The following BLZF1 variants were observed in gnomAD, a reference collection of about 807,000 sequenced individuals.
The protein encoded by BLZF1 is golgin-45.
A neutral mutation model predicts 43.8 loss-of-function variants in BLZF1; 39 were observed. The ratio of observed to expected loss-of-function variants is 0.89; its 90% CI spans 0.69 to 1.16. The LOEUF is 1.16. Ranked by LOEUF, BLZF1 falls within the 50% of genes most tolerant of loss-of-function variation. The pLI is 0.00. For synonymous variants in BLZF1, 136 were observed against 159.4 expected (o/e 0.85, Z 1.11); for missense variants, 449 against 469.8 (o/e 0.96, Z 0.41).
At chr1:169,373,648 TTAAA>T (rs1290225558) in intron 2 of BLZF1, among the ~76,000 whole-genome samples, 1 of 152,180 alleles carries the variant, frequency 6.6e-6, no homozygotes, top group African/African-American at 2.4e-5. Flanking sequence ...GTAGAACAGT[TTAAA>T]TAAAGTTAAG....
intron 2 of BLZF1, among the ~76,000 whole-genome samples, chr1:169,375,079 A>T (rs1250161354): frequency 6.6e-6 from 1 of 151,922 alleles, no homozygotes; most frequent in Non-Finnish European, 1.5e-5. Flanking sequence ...ATTTGAAAAA[A>T]TAACTCAGAA....
chr1:169,386,411 A>C (rs1051838634), intron 6 of BLZF1, among the ~76,000 whole-genome samples: 2 of 152,116 alleles, frequency 1.3e-5, no homozygotes, highest in Admixed American at 1.3e-4. Context: ...TAATGATATA[A>C]TTGACATGTA....
At chr1:169,386,508 T>C (rs1382564415) in intron 6 of BLZF1, among the ~76,000 whole-genome samples, 1 of 151,740 alleles carries the variant, frequency 6.6e-6, no homozygotes, top group Non-Finnish European at 1.5e-5. Flanking sequence ...TGAAACCCCA[T>C]CTCTATTAAA....
intron 2 of BLZF1, among the ~76,000 whole-genome samples, chr1:169,374,368 T>C (rs1654227842): frequency 6.6e-6 from 1 of 152,100 alleles, no homozygotes. Context: ...GTTCTCCTTG[T>C]CAGTGCTACC....
intron 7 of BLZF1, among the ~76,000 whole-genome samples, chr1:169,394,029 A>C (rs1029596020): frequency 6.6e-6 from 1 of 152,172 alleles, no homozygotes; most frequent in South Asian, 2.1e-4. Context: ...CTATTCCTCT[A>C]CACACTGGAT....
exon 8 of BLZF1, chr1:169,395,897 AAAC>A (rs1655002726): frequency 1.3e-5 from 2 of 150,886 alleles, no homozygotes; most frequent in African/African-American, 2.4e-5. Flanking sequence ...TTTTCAGAAT[AAAC>A]AACTAAATAA....
At chr1:169,392,568 A>T (rs942122092), downstream of BLZF1, among the ~76,000 whole-genome samples, 1 of 152,242 alleles carries the variant, frequency 6.6e-6, no homozygotes, top group African/African-American at 2.4e-5. Context: ...GTCTTGTACC[A>T]GTTTCCTGGC....
chr1:169,390,278 C>G (rs976784206), downstream of BLZF1, among the ~76,000 whole-genome samples: 1 of 151,820 alleles, frequency 6.6e-6, no homozygotes, highest in Non-Finnish European at 1.5e-5. Context: ...TCTAACATAA[C>G]ACCTTAAGGA....
chr1:169,377,240 G>A (rs1557847928), intron 3 of BLZF1: 1 of 436,376 alleles, frequency 2.3e-6, no homozygotes, highest in Non-Finnish European at 4.0e-6. Flanking sequence ...GTAAAAGTAG[G>A]TTACAATTAT....
chr1:169,391,758 C>T (rs1188538561), downstream of BLZF1, among the ~76,000 whole-genome samples: 3 of 107,858 alleles, frequency 2.8e-5, no homozygotes, highest in African/African-American at 8.4e-5. Context: ...TCTGGAGCCT[C>T]AGTAAATTTA....
In BLZF1 at chr1:169,368,795, G is replaced by C. The variant is rs561896808; in HGVS notation, c.-51+453G>C. On this transcript the variant is annotated intron_variant, in intron 1 of 6. Coordinates refer to ENST00000367808, the MANE Select transcript of BLZF1 (RefSeq NM_001320973.2). ...CTGAGTTGTATCTAGTACTGAGAAC[G>C]ATCTTTTTTTGTAGTGAAACCAGTT... 6.6e-5 allele frequency among the ~76,000 whole-genome samples: 10 copies of C among 152,240 alleles called. No homozygotes were observed. In the East Asian group the frequency reaches 1.9e-3, roughly 29 times the overall value.
intron 3 of BLZF1, chr1:169,377,345 GTA>G (rs1399115325): frequency 8.9e-6 from 2 of 224,616 alleles, no homozygotes; most frequent in African/African-American, 4.6e-5. Flanking sequence ...TTTTGCTTGT[GTA>G]TACGGGATAC....
intron 6 of BLZF1, among the ~76,000 whole-genome samples, chr1:169,383,728 CT>C (rs1210599781): frequency 6.6e-6 from 1 of 151,938 alleles, no homozygotes; most frequent in Non-Finnish European, 1.5e-5. Context: ...TCTTCATAGA[CT>C]TTTTTCCTCC....
downstream of BLZF1, among the ~76,000 whole-genome samples, chr1:169,391,760 G>A (rs1389125530): frequency 9.4e-6 from 1 of 106,740 alleles, no homozygotes; most frequent in East Asian, 2.0e-4. Context: ...TGGAGCCTCA[G>A]TAAATTTACT....
chr1:169,376,958 C>G lies in BLZF1; in HGVS notation c.447C>G (p.Asn149Lys). The G allele has an allele frequency of 6.2e-7, 1 of 1,612,908 alleles. No individual in the cohort carries two copies. Among genetic ancestry groups the G allele is most frequent in the Non-Finnish European group, 8.5e-7 (1 of 1,179,340 alleles). Reference protein sequence around the residue: ...RLLQDKEGLSNQLRVQTEVNR... With the variant: ...RLLQDKEGLSKQLRVQTEVNR... Reference sequence around the variant, plus strand: ...TACAGGACAAAGAAGGTCTTTCAAACCAGCTCCGTGTACAGACAGAGGTAA... The same window carrying G: ...TACAGGACAAAGAAGGTCTTTCAAAGCAGCTCCGTGTACAGACAGAGGTAA... The change falls in exon 3 of 7, where the codon AAC (asparagine) becomes AAG (lysine). Residue 149 changes from asparagine (N) to lysine (K), a missense_variant. By Grantham distance (94) the Asn-to-Lys change is moderately conservative. Coordinates refer to ENST00000367808, the MANE Select transcript of BLZF1 (RefSeq NM_001320973.2).
chr1:169,369,806 A>G (rs1015528741), intron 2 of BLZF1, among the ~76,000 whole-genome samples: 7 of 150,812 alleles, frequency 4.6e-5, no homozygotes, highest in Admixed American at 3.9e-4. Flanking sequence ...TTTAACAGCT[A>G]TATTCCCTAT....
chr1:169,392,652 T>A (rs2102026108), downstream of BLZF1, among the ~76,000 whole-genome samples: 1 of 152,310 alleles, frequency 6.6e-6, no homozygotes, highest in East Asian at 1.9e-4. Context: ...ATGAAATGAC[T>A]AATGTCTGGG....
chr1:169,396,110 T>C (rs1012165693), exon 8 of BLZF1: 4 of 152,168 alleles, frequency 2.6e-5, no homozygotes, highest in Non-Finnish European at 5.9e-5. Context: ...TATTTTGAAA[T>C]TGTAAATACA....
intron 6 of BLZF1, among the ~76,000 whole-genome samples, chr1:169,384,985 C>G (rs1157649663): frequency 6.6e-6 from 1 of 152,100 alleles, no homozygotes; most frequent in Non-Finnish European, 1.5e-5. Context: ...TCATTTTTAT[C>G]CAAAATTTTG....
Sources: gnomAD v4.1 joint callset for allele counts (sites outside exome capture counted in the v4.1 genomes callset) on GRCh38, gnomAD v4.1.1 for gene constraint, MANE v1.5 for transcripts, NCBI Gene and HGNC (gene_info 2026-07-23, HGNC 2026-07-21) for gene names.